Variants in PUM1 observed in about 807,000 individuals in gnomAD.
PUM1 encodes the protein pumilio RNA binding family member 1.
A neutral mutation model predicts 131.8 loss-of-function variants in PUM1; 13 were observed. The observed-to-expected ratio is 0.10, with a 90% CI of 0.06 to 0.16. PUM1 has a LOEUF of 0.16. Ranked by LOEUF, PUM1 falls within the 10% of genes least tolerant of loss-of-function variation. The probability of loss-of-function intolerance (pLI) is 1.00; values close to 1 mark genes in which losing one functional copy is unlikely to be tolerated. For synonymous variants in PUM1, 509 were observed against 556.5 expected (o/e 0.91, Z 1.20); for missense variants, 961 against 1,512.4 (o/e 0.64, Z 6.05).
rs552557531 is a variant in PUM1 at position 30,933,744 on chromosome 1, C to A, written c.3436-402G>T. Among the ~76,000 whole-genome samples the A allele has an allele frequency of 5.9e-5, 9 of 152,360 alleles. No individual in the cohort carries two copies. In the East Asian group the frequency reaches 1.7e-3, roughly 29 times the overall value. On this transcript the variant is annotated intron_variant, in intron 21 of 21. Transcript: ENST00000426105. ...GAGCACAGGCCCCTCTGGCCCCATG[C>A]ACGGCATCCAGGCTCTCCTGAGCAG...
At chr1:30,963,741 T>C (rs538115680) in intron 14 of PUM1, among the ~76,000 whole-genome samples, 4 of 152,338 alleles carry the variant, frequency 2.6e-5, no homozygotes, top group South Asian at 2.1e-4. Flanking sequence ...TGGCCACATG[T>C]GCTGATTTGC....
At chr1:31,015,083 A>T (rs544959140) in intron 3 of PUM1, among the ~76,000 whole-genome samples, 1 of 152,250 alleles carries the variant, frequency 6.6e-6, no homozygotes, top group Non-Finnish European at 1.5e-5. Flanking sequence ...AGTAAAATAC[A>T]AAATTGTACA....
intron 6 of PUM1, among the ~76,000 whole-genome samples, chr1:30,993,792 C>G (rs1388202123): frequency 6.6e-6 from 1 of 152,060 alleles, no homozygotes; most frequent in Non-Finnish European, 1.5e-5. Context: ...TAATTCAGGC[C>G]GGGCATGGTG....
intron 5 of PUM1, among the ~76,000 whole-genome samples, chr1:31,001,112 A>G (rs1164116845): frequency 1.3e-5 from 2 of 152,160 alleles, no homozygotes; most frequent in Non-Finnish European, 1.5e-5. Flanking sequence ...TGAACCCGGG[A>G]GGCGGAGCTT....
intron 2 of PUM1, among the ~76,000 whole-genome samples, chr1:31,051,336 T>G (rs1307350902): frequency 6.7e-6 from 1 of 150,064 alleles, no homozygotes; most frequent in Non-Finnish European, 1.5e-5. Context: ...GGCATTTCGC[T>G]CTTGTTGCCC....
chr1:30,933,456 AC>A (rs1639051441), intron 21 of PUM1, 114 bp from the exon 22 acceptor site: 2 of 758,896 alleles, frequency 2.6e-6, no homozygotes, highest in Non-Finnish European at 4.4e-6. Flanking sequence ...ACACACACAC[AC>A]ACACACACAC....
chr1:30,956,910 T>G (rs1640187588), intron 14 of PUM1, among the ~76,000 whole-genome samples: 1 of 152,204 alleles, frequency 6.6e-6, no homozygotes, highest in Non-Finnish European at 1.5e-5. Flanking sequence ...TTTAAGCCAC[T>G]CTTTGTTGGA....
chr1:30,954,057 AC>A (rs1436422325), intron 14 of PUM1, 76 bp from the exon 15 acceptor site: 50 of 1,430,922 alleles, frequency 3.5e-5, no homozygotes, highest in Non-Finnish European at 4.3e-5. Flanking sequence ...GCATTCCCAC[AC>A]CCGAAAGCCT....
At chr1:30,971,799 T>C (rs564109407) in intron 10 of PUM1, among the ~76,000 whole-genome samples, 1 of 152,326 alleles carries the variant, frequency 6.6e-6, no homozygotes, top group African/African-American at 2.4e-5. Context: ...ACAGAAAGCT[T>C]TCAATAAACA....
Position 30,936,854 on chromosome 1 carries a change from AG to A in PUM1, c.3243-20del. 6.3e-7 allele frequency: 1 copy of A among 1,577,790 alleles called. No individual in the cohort carries two copies. The stretch of plus-strand genomic sequence containing the variant: ...AACATTGCTGTAATGAGATAAAACC[AG>A]GGACAACTCTTACAAGAGAGGCCCC... On this transcript the variant is annotated intron_variant, in intron 20 of 21. Transcript: ENST00000426105.
chr1:30,953,040 G>A (rs1191661412), intron 15 of PUM1, among the ~76,000 whole-genome samples: 1 of 152,116 alleles, frequency 6.6e-6, no homozygotes, highest in Non-Finnish European at 1.5e-5. Flanking sequence ...ATTATCTTCT[G>A]AAGTAGTAAC....
At chr1:30,992,953 A>T (rs1641846509) in intron 6 of PUM1, among the ~76,000 whole-genome samples, 3 of 152,158 alleles carry the variant, frequency 2.0e-5, no homozygotes. Flanking sequence ...TAAAGTGGAA[A>T]AATCACTGTC....
chr1:31,057,748 C>T, intron 2 of PUM1, among the ~76,000 whole-genome samples: 1 of 88,058 alleles, frequency 1.1e-5, no homozygotes, highest in Non-Finnish European at 2.4e-5. Context: ...AAAAAAAAAA[C>T]AACTATGGTT....
At chr1:30,944,792 A>G (rs1354916787) in intron 18 of PUM1, among the ~76,000 whole-genome samples, 1 of 152,254 alleles carries the variant, frequency 6.6e-6, no homozygotes, top group East Asian at 1.9e-4. Context: ...ATGAGATTTC[A>G]TCTTAAAAAC....
intron 2 of PUM1, among the ~76,000 whole-genome samples, chr1:31,056,456 T>C (rs1453422050): frequency 6.6e-6 from 1 of 151,614 alleles, no homozygotes; most frequent in Non-Finnish European, 1.5e-5. Flanking sequence ...AATTTTTTTG[T>C]ATTATTAGTA....
chr1:30,935,691 G>A, intron 21 of PUM1: 1 of 411,034 alleles, frequency 2.4e-6, no homozygotes, highest in South Asian at 1.8e-5. Context: ...TGTCTTGTCT[G>A]GCTCAGAACT....
intron 2 of PUM1, among the ~76,000 whole-genome samples, chr1:31,057,013 A>G (rs1357902282): frequency 6.6e-6 from 1 of 151,824 alleles, no homozygotes; most frequent in Admixed American, 6.6e-5. Flanking sequence ...GGCTGGTCTC[A>G]AACTCCTTAC....
intron 1 of PUM1, 115 bp downstream of exon 1, chr1:31,065,501 C>CT: frequency 8.1e-7 from 1 of 1,233,218 alleles, no homozygotes; most frequent in South Asian, 1.6e-5. Context: ...GCCCCGGCGG[C>CT]TTTTCCAAAG....
At chr1:31,032,191 A>C (rs1643454140) in intron 2 of PUM1, among the ~76,000 whole-genome samples, 1 of 152,206 alleles carries the variant, frequency 6.6e-6, no homozygotes, top group Non-Finnish European at 1.5e-5. Flanking sequence ...GAACTTATTT[A>C]TTCATACTGG....
Sources: gnomAD v4.1 joint callset for allele counts (sites outside exome capture counted in the v4.1 genomes callset) on GRCh38, gnomAD v4.1.1 for gene constraint, MANE v1.5 for transcripts, NCBI Gene and HGNC (gene_info 2026-07-23, HGNC 2026-07-21) for gene names.